Variants in NCALD observed in about 807,000 individuals in gnomAD.
The protein encoded by NCALD is neurocalcin-delta.
In NCALD, 10 loss-of-function variants were observed where a neutral mutation model predicts 18.6. The observed-to-expected ratio is 0.54, with a 90% CI of 0.33 to 0.91. The LOEUF is 0.91. Ranked by LOEUF, NCALD falls within the 40% of genes least tolerant of loss-of-function variation. The pLI, the probability that NCALD is intolerant of heterozygous loss-of-function variation, is 0.03. For synonymous variants in NCALD, 88 were observed against 87.4 expected, an observed-to-expected ratio of 1.01 and a Z score of -0.04; for missense variants, 184 against 247.6, an observed-to-expected ratio of 0.74 and a Z score of 1.72.
intron 4 of NCALD, among the ~76,000 whole-genome samples, chr8:101,838,930 T>A (rs1012141099): frequency 6.6e-5 from 10 of 152,214 alleles, no homozygotes; most frequent in African/African-American, 2.2e-4. Context: ...ATGTTTTTCA[T>A]CCAGAAAGTG....
intron 1 of NCALD, among the ~76,000 whole-genome samples, chr8:102,077,651 G>A (rs1044731128): frequency 6.6e-6 from 1 of 152,142 alleles, no homozygotes; most frequent in African/African-American, 2.4e-5. Flanking sequence ...CACAAACTTA[G>A]TAGACAGCAG....
chr8:101,958,980 C>G (rs755552086), intron 2 of NCALD, among the ~76,000 whole-genome samples: 1 of 152,060 alleles, frequency 6.6e-6, no homozygotes, highest in Non-Finnish European at 1.5e-5. Flanking sequence ...TGTAGTAATC[C>G]TATAACCACA....
At chr8:101,954,805 TATC>T (rs1563930027) in intron 2 of NCALD, among the ~76,000 whole-genome samples, 1 of 152,214 alleles carries the variant, frequency 6.6e-6, no homozygotes, top group African/African-American at 2.4e-5. Context: ...GAATCATCAT[TATC>T]ATCATCATAA....
At chr8:101,795,094 T>C (rs1422931272), upstream of NCALD, among the ~76,000 whole-genome samples, 2 of 152,230 alleles carry the variant, frequency 1.3e-5, no homozygotes, top group African/African-American at 2.4e-5. Flanking sequence ...TAAATTATTA[T>C]AGTCTTAGCT....
chr8:101,910,602 C>G (rs1241101043), intron 3 of NCALD, among the ~76,000 whole-genome samples: 2 of 152,134 alleles, frequency 1.3e-5, no homozygotes, highest in Non-Finnish European at 2.9e-5. Flanking sequence ...AATGGAAAGA[C>G]AGATATAATG....
intron 1 of NCALD, among the ~76,000 whole-genome samples, chr8:102,048,282 C>G (rs1298532869): frequency 5.3e-5 from 8 of 152,076 alleles, no homozygotes; most frequent in East Asian, 1.9e-4. Flanking sequence ...AGACTATTGC[C>G]GGAAAATATA....
intron 1 of NCALD, among the ~76,000 whole-genome samples, chr8:102,028,348 G>A (rs1822536566): frequency 6.6e-6 from 1 of 152,224 alleles, no homozygotes; most frequent in Non-Finnish European, 1.5e-5. Flanking sequence ...CAACTTTTCT[G>A]TAGGTTAATT....
chr8:102,031,538 G>A (rs1822669588), intron 1 of NCALD, among the ~76,000 whole-genome samples: 2 of 152,108 alleles, frequency 1.3e-5, no homozygotes, highest in Non-Finnish European at 2.9e-5. Flanking sequence ...AATTCATGAT[G>A]CTACATATTT....
chr8:101,877,880 G>A (rs1487149299), intron 4 of NCALD, among the ~76,000 whole-genome samples: 1 of 152,186 alleles, frequency 6.6e-6, no homozygotes, highest in Non-Finnish European at 1.5e-5. Flanking sequence ...TAGCAAAGGA[G>A]TAAAAAAGCT....
At chr8:101,691,803 C>G (rs970424758) in intron 3 of NCALD, 6 of 985,228 alleles carry the variant, frequency 6.1e-6, no homozygotes, top group Non-Finnish European at 7.2e-6. Context: ...ACTGCGAAGC[C>G]GCCTTCTGCT....
At position 101,719,797 on chromosome 8, in the gene NCALD, A is replaced by G. The variant is rs1816266603; in HGVS notation, c.-19-149T>C. On this transcript the variant is annotated intron_variant, in intron 1 of 3. Transcript: ENST00000220931. Reference sequence around the variant, plus strand: ...TAACACTGTCTAGGTTTTGCAACACACTGGTCAGCCAAACAAAATAATAGA... The same window carrying G: ...TAACACTGTCTAGGTTTTGCAACACGCTGGTCAGCCAAACAAAATAATAGA... 7.3e-6 allele frequency: 5 copies of G among 681,260 alleles called. No homozygotes were observed. The East Asian group carries it at 1.1e-4, about 16-fold the overall frequency. 42.2% of individuals were successfully genotyped at this position (681,260 alleles called of 1,614,324 possible).
chr8:101,965,607 C>T (rs181535049), intron 2 of NCALD, among the ~76,000 whole-genome samples: 2 of 152,066 alleles, frequency 1.3e-5, no homozygotes, highest in East Asian at 3.9e-4. Context: ...CACACCAGGA[C>T]CTGTTGTGGG....
At chr8:102,052,479 G>A (rs1304300453) in intron 1 of NCALD, among the ~76,000 whole-genome samples, 1 of 152,208 alleles carries the variant, frequency 6.6e-6, no homozygotes, top group Admixed American at 6.5e-5. Flanking sequence ...CTCTCATAGA[G>A]GACTTCTCCC....
At chr8:101,843,743 A>G (rs766489799) in intron 4 of NCALD, among the ~76,000 whole-genome samples, 7 of 151,774 alleles carry the variant, frequency 4.6e-5, no homozygotes, top group Non-Finnish European at 1.0e-4. Context: ...CACCATACCC[A>G]GCTAATTTTT....
chr8:101,978,448 A>G (rs568935824), intron 2 of NCALD, among the ~76,000 whole-genome samples: 6 of 152,334 alleles, frequency 3.9e-5, no homozygotes, highest in African/African-American at 1.2e-4. Context: ...TGAATTCTGC[A>G]AGGTGAAGAC....
chr8:101,972,153 G>A (rs144812942), intron 2 of NCALD, among the ~76,000 whole-genome samples: 2 of 152,108 alleles, frequency 1.3e-5, no homozygotes, highest in African/African-American at 4.8e-5. Context: ...AGAAAGCACT[G>A]GCAAAAAGTA....
intron 1 of NCALD, among the ~76,000 whole-genome samples, chr8:102,088,678 C>T (rs1006155180): frequency 6.7e-6 from 1 of 149,860 alleles, no homozygotes; most frequent in Admixed American, 6.6e-5. Context: ...GTTCTGTTTT[C>T]CATTGCATTA....
At chr8:101,877,341 A>C (rs505460) in intron 4 of NCALD, among the ~76,000 whole-genome samples, 60,836 of 151,950 alleles carry the variant, frequency 0.4, 15,435 homozygotes, top group African/African-American at 0.71. Flanking sequence ...GACTTCTTGT[A>C]CCTCTCCCCA....
Position 101,689,338 on chromosome 8 carries a change from A to G in NCALD, c.553T>C (p.Cys185Arg), listed in dbSNP as rs981779719. 6.2e-7 allele frequency: 1 copy of G among 1,613,812 alleles called. No homozygotes were observed. Among genetic ancestry groups the G allele is most frequent in the Non-Finnish European group, 8.5e-7 (1 of 1,179,910 alleles). ...AACTGGCCGGCACTGCTCGGGTCGC[A>G]CTGCAGGAGGCGCACAATGGACGGG... ...SDPSIVRLLQCDPSSAGQF is the reference protein window; with the variant it reads ...SDPSIVRLLQRDPSSAGQF Residue 185 changes from cysteine (C) to arginine (R), a missense_variant, in exon 4 of 4, where the codon TGC (cysteine) becomes CGC (arginine). By Grantham distance (180) the Cys-to-Arg change is radical (BLOSUM62 -3). Transcript: ENST00000220931. The surrounding 1 kb of genome is among the most constrained non-coding windows in gnomAD (Gnocchi z 4.4).
Sources: allele counts gnomAD v4.1 joint callset (sites outside exome capture counted in the v4.1 genomes callset), GRCh38; gene constraint gnomAD v4.1.1; non-coding constraint Gnocchi (gnomAD v3.1); transcripts MANE v1.5; gene names NCBI Gene and HGNC (gene_info 2026-07-23, HGNC 2026-07-21).